ZIC1: variants seen among roughly 807,000 people sequenced by gnomAD.
ZIC1 encodes zinc finger protein ZIC 1.
Under a neutral mutation model 30.9 loss-of-function variants are expected in ZIC1, and 4 were observed. The observed-to-expected ratio is 0.13, with a 90% CI of 0.06 to 0.30. The LOEUF (loss-of-function observed/expected upper bound fraction) is 0.30. ZIC1 is among the 10% of genes least tolerant of loss of function. The pLI is 1.00. For missense variants in ZIC1, 441 were observed against 639.3 expected, an observed-to-expected ratio of 0.69 and a Z score of 3.34; for synonymous variants, 305 against 277.5, an observed-to-expected ratio of 1.10 and a Z score of -0.98.
rs1460462003 is a variant in ZIC1, at chr3:147,409,403, T to C, written c.-710T>C. 6.5e-6 allele frequency: 1 copy of C among 152,702 alleles called. No homozygotes were observed. The highest frequency in any genetic ancestry group is 2.4e-5 in the African/African-American group (1 of 41,458). The allele number at this position is 152,702 out of a possible 1,614,324, so 9.5% of individuals were successfully genotyped here. On this transcript the variant is annotated 5_prime_UTR_variant, in exon 1 of 3. Coordinates refer to ENST00000282928, the MANE Select transcript of ZIC1 (RefSeq NM_003412.4). ...GCAGGAATGATTGCTGCTATCAGTC[T>C]CGCGCTCACCGCCCGGCTGAGGAGG... is the stretch of plus-strand genomic sequence containing the variant.
Position 147,413,401 on chromosome 3 carries a change from C to T in ZIC1, c.1194C>T (p.Ser398=), listed in dbSNP as rs1489617520. The T allele has an allele frequency of 5.0e-6, 8 of 1,614,150 alleles. No individual in the cohort carries two copies. Among genetic ancestry groups the T allele is most frequent in the Non-Finnish European group, 6.8e-6 (8 of 1,180,008 alleles). ...SQGSQPSPAA[S]SGYESSTPPT... is the part of the protein sequence containing the mutation. The stretch of plus-strand genomic sequence containing the variant: ...GCTCGCAGCCTTCGCCGGCCGCCAG[C>T]TCTGGCTACGAATCCTCCACGCCTC... The change falls in exon 3 of 3, where the codon AGC becomes AGT. Residue 398 remains serine, a synonymous_variant. Coordinates refer to ENST00000282928, the MANE Select transcript of ZIC1 (RefSeq NM_003412.4).
Position 147,410,726 on chromosome 3 carries a change from C to T in ZIC1, c.614C>T (p.Ala205Val), listed in dbSNP as rs938132798. ...TACGGGCCCATGAACGTGAACATGG[C>T]CGCGCATCACGGCGCCGGCGCCTTC... is the stretch of plus-strand genomic sequence containing the variant. Reference protein sequence around the residue: ...HGYGPMNVNMAAHHGAGAFFR... With the variant: ...HGYGPMNVNMVAHHGAGAFFR... Residue 205 changes from alanine to valine, a missense_variant, in exon 1 of 3, where the codon GCC becomes GTC. This residue lies in a region of ZIC1 where 307 missense variants were observed against 355.3 expected (regional missense o/e 0.86). Transcript: ENST00000282928. 5 of 1,614,072 alleles carry T rather than the reference C, an allele frequency of 3.1e-6. No individual in the cohort carries two copies. The highest frequency in any genetic ancestry group is 3.4e-6 in the Non-Finnish European group (4 of 1,179,964).
chr3:147,413,767 C>A lies in ZIC1; in HGVS notation c.*216C>A. ...GCTTTCATTATTTTTCTTTTTTTGG[C>A]AAAGGCTTGGTACCCAAGGTGCGGT... On this transcript the variant is annotated 3_prime_UTR_variant, in exon 3 of 3. Coordinates refer to ENST00000282928, the MANE Select transcript of ZIC1 (RefSeq NM_003412.4). 1 of 561,488 alleles carries A rather than the reference C, an allele frequency of 1.8e-6. No individual in the cohort carries two copies. Among genetic ancestry groups the A allele is most frequent in the Admixed American group, 4.2e-5 (1 of 23,882 alleles). 34.8% of individuals were successfully genotyped at this position (561,488 alleles called of 1,614,324 possible). A position where few individuals can be genotyped will look rare whatever the true frequency, so the allele number is the denominator to read the frequency against.
chr3:147,410,088 C>T lies in ZIC1; in HGVS notation c.-25C>T, dbSNP rs2087352441. 1.4e-6 allele frequency: 2 copies of T among 1,456,658 alleles called. No individual in the cohort carries two copies. Among genetic ancestry groups the T allele is most frequent in the Non-Finnish European group, 1.8e-6 (2 of 1,113,492 alleles). 90.2% of individuals were successfully genotyped at this position (1,456,658 alleles called of 1,614,324 possible). ...GCGAGGGTGGGGGGGGCGGGGGAGGCCGGGGCTCGCCCCGAGCAGCCACGA... is the reference window on the plus strand; with the variant it reads ...GCGAGGGTGGGGGGGGCGGGGGAGGTCGGGGCTCGCCCCGAGCAGCCACGA... On this transcript the variant is annotated 5_prime_UTR_variant, in exon 1 of 3. Transcript: ENST00000282928.
chr3:147,415,535 A>G lies in ZIC1; in HGVS notation c.*1984A>G, dbSNP rs1170926983. 1 of 152,632 alleles carries G rather than the reference A, an allele frequency of 6.6e-6. No individual in the cohort carries two copies. The highest frequency in any genetic ancestry group is 1.5e-5 in the Non-Finnish European group (1 of 68,028). 9.5% of individuals were successfully genotyped at this position (152,632 alleles called of 1,614,324 possible). On this transcript the variant is annotated 3_prime_UTR_variant, in exon 3 of 3. Transcript: ENST00000282928. ...GCATGATCGCCCCATTAGGCAGACA[A>G]CGTAGCCGGAGATCACAAATCAGGC...
In ZIC1 at chr3:147,412,622, C is replaced by A. The variant is rs1243038866; in HGVS notation, c.1087C>A (p.Leu363Ile). The A allele has an allele frequency of 9.3e-6, 15 of 1,614,232 alleles. No individual in the cohort carries two copies. The highest frequency in any genetic ancestry group is 1.3e-5 in the Non-Finnish European group (15 of 1,180,036). ...CGTGCACACGAGCGACAAGCCCTATCTTTGCAAGATGTGCGACAAGTCCTA... is the reference window on the plus strand; with the variant it reads ...CGTGCACACGAGCGACAAGCCCTATATTTGCAAGATGTGCGACAAGTCCTA... Reference protein sequence around the residue: ...MHVHTSDKPYLCKMCDKSYTH... With the variant: ...MHVHTSDKPYICKMCDKSYTH... The change falls in exon 2 of 3, where the codon CTT becomes ATT. Residue 363 changes from leucine (L) to isoleucine (I), a missense_variant. Physicochemically the swap from Leu to Ile is conservative, Grantham distance 5. Around this residue, in one of 5 missense-constraint regions of ZIC1, gnomAD observed 31 missense variants for 65.2 expected, o/e 0.48. Coordinates refer to ENST00000282928, the MANE Select transcript of ZIC1 (RefSeq NM_003412.4).
At position 147,410,755 on chromosome 3, in the gene ZIC1, C is replaced by G; in HGVS notation, c.643C>G (p.Arg215Gly). ...GCATCACGGCGCCGGCGCCTTCTTC[C>G]GCTACATGCGCCAACCCATCAAGCA... ...AAHHGAGAFF[R>G]YMRQPIKQEL... is the part of the protein sequence containing the mutation. The change falls in exon 1 of 3, where the codon CGC becomes GGC. Residue 215 changes from arginine to glycine, a missense_variant. Coordinates refer to ENST00000282928, the MANE Select transcript of ZIC1 (RefSeq NM_003412.4). 2 of 1,614,212 alleles carry G rather than the reference C, an allele frequency of 1.2e-6. No homozygotes were observed. The highest frequency in any genetic ancestry group is 1.7e-6 in the Non-Finnish European group (2 of 1,180,020).
chr3:147,409,923 C>T lies in ZIC1; in HGVS notation c.-190C>T. 2 of 617,942 alleles carry T rather than the reference C, an allele frequency of 3.2e-6. No homozygotes were observed. Among genetic ancestry groups the T allele is most frequent in the Non-Finnish European group, 5.2e-6 (2 of 388,128 alleles). The allele number at this position is 617,942 out of a possible 1,614,324, so 38.3% of individuals were successfully genotyped here. A position where few individuals can be genotyped will look rare whatever the true frequency, so the allele number is the denominator to read the frequency against. ...CCGGCTACTTTGCGTTTGGCCCGGCCAGCGCCCGGGCGCGCCGCGCCATTG... is the reference window on the plus strand; with the variant it reads ...CCGGCTACTTTGCGTTTGGCCCGGCTAGCGCCCGGGCGCGCCGCGCCATTG... On this transcript the variant is annotated 5_prime_UTR_variant, in exon 1 of 3. Coordinates refer to ENST00000282928, the MANE Select transcript of ZIC1 (RefSeq NM_003412.4).
At chr3:147,411,453 A>G (rs1189481249) in intron 1 of ZIC1, among the ~76,000 whole-genome samples, 2 of 152,210 alleles carry the variant, frequency 1.3e-5, no homozygotes, top group African/African-American at 4.8e-5. Context: ...CAGGCTGCAG[A>G]CAAATCTAAA....
At chr3:147,412,478 T>A in intron 1 of ZIC1, 40 bp from the exon 2 acceptor site, 2 of 1,597,350 alleles carry the variant, frequency 1.3e-6, no homozygotes, top group South Asian at 2.3e-5. Context: ...CCGCGGTATT[T>A]TTTTCTAATT....
rs753414972 is a variant in ZIC1 at position 147,411,098 on chromosome 3, C to A, written c.982+4C>A. On this transcript the variant is annotated splice_donor_region_variant and intron_variant, in intron 1 of 2. Coordinates refer to ENST00000282928, the MANE Select transcript of ZIC1 (RefSeq NM_003412.4). ...ATCCACAAAAGGACGCACACAGGTA[C>A]GGAAACAGCTGTAGGACCCCTACCC... 6.2e-7 allele frequency: 1 copy of A among 1,609,892 alleles called. No individual in the cohort carries two copies. The highest frequency in any genetic ancestry group is 8.5e-7 in the Non-Finnish European group (1 of 1,177,748).
rs2087423391 is a variant in ZIC1, at chr3:147,415,192, T to A, written c.*1641T>A. The A allele has an allele frequency of 6.6e-6, 1 of 152,662 alleles. No homozygotes were observed. The highest frequency in any genetic ancestry group is 2.4e-5 in the African/African-American group (1 of 41,462). 9.5% of individuals were successfully genotyped at this position (152,662 alleles called of 1,614,324 possible). On this transcript the variant is annotated 3_prime_UTR_variant, in exon 3 of 3. Coordinates refer to ENST00000282928, the MANE Select transcript of ZIC1 (RefSeq NM_003412.4). Reference sequence around the variant, plus strand: ...TATTATTCCTATGATTTTGCCACTGTTATTAGTTCTCTCAAAAATACATCT... The same window carrying A: ...TATTATTCCTATGATTTTGCCACTGATATTAGTTCTCTCAAAAATACATCT...
chr3:147,412,415 C>A, intron 1 of ZIC1, 103 bp from the exon 2 acceptor site: 1 of 1,403,684 alleles, frequency 7.1e-7, no homozygotes, highest in Non-Finnish European at 9.8e-7. Flanking sequence ...TAATCCTGGG[C>A]TGCTGGCTTT....
chr3:147,414,445 C>T lies in ZIC1; in HGVS notation c.*894C>T, dbSNP rs956695029. 6.6e-6 allele frequency: 1 copy of T among 152,536 alleles called. No homozygotes were observed. The highest frequency in any genetic ancestry group is 1.5e-5 in the Non-Finnish European group (1 of 68,020). The allele number at this position is 152,536 out of a possible 1,614,324, so 9.4% of individuals were successfully genotyped here. A position where few individuals can be genotyped will look rare whatever the true frequency, so the allele number is the denominator to read the frequency against. On this transcript the variant is annotated 3_prime_UTR_variant, in exon 3 of 3. Coordinates refer to ENST00000282928, the MANE Select transcript of ZIC1 (RefSeq NM_003412.4). ...TCCATATTTATCCGCATGTAAAGGGCCGGTTTATCCATGTTACAGCTCTTC... is the reference window on the plus strand; with the variant it reads ...TCCATATTTATCCGCATGTAAAGGGTCGGTTTATCCATGTTACAGCTCTTC...
At position 147,410,006 on chromosome 3, in the gene ZIC1, C is replaced by T. The variant is rs892471589; in HGVS notation, c.-107C>T. The T allele has an allele frequency of 1.3e-5, 16 of 1,230,348 alleles. No individual in the cohort carries two copies. Among genetic ancestry groups the T allele is most frequent in the Non-Finnish European group, 1.5e-5 (14 of 925,972 alleles). The allele number at this position is 1,230,348 out of a possible 1,614,324, so 76.2% of individuals were successfully genotyped here. ...CTCCCCCTCCCTCCTCCTCTTCTTC[C>T]TCCTCTTCCTCCTCCTCTTGTTCCT... is the stretch of plus-strand genomic sequence containing the variant. On this transcript the variant is annotated 5_prime_UTR_variant, in exon 1 of 3. Transcript: ENST00000282928.
rs940650977 is a variant in ZIC1, at chr3:147,412,787, A to G, written c.1146+106A>G. On this transcript the variant is annotated intron_variant, in intron 2 of 2. Transcript: ENST00000282928. ...ACAGGCGGTGGCGGGAGCCAGAGGA[A>G]GCGGGAAGGCAAAGGTTCCACTCAG... The G allele has an allele frequency of 3.5e-6, 5 of 1,421,532 alleles. No homozygotes were observed. In the African/African-American group the frequency reaches 7.1e-5, roughly 20 times the overall value. The allele number at this position is 1,421,532 out of a possible 1,614,324, so 88.1% of individuals were successfully genotyped here. A position where few individuals can be genotyped will look rare whatever the true frequency, so the allele number is the denominator to read the frequency against.
In ZIC1 at chr3:147,410,206, G is replaced by T; in HGVS notation, c.94G>T (p.Asp32Tyr). 1.2e-6 allele frequency: 2 copies of T among 1,601,634 alleles called. No individual in the cohort carries two copies. Among genetic ancestry groups the T allele is most frequent in the Non-Finnish European group, 1.7e-6 (2 of 1,179,572 alleles). The change falls in exon 1 of 3, where the codon GAC becomes TAC. Residue 32 changes from aspartate (D) to tyrosine (Y), a missense_variant. Around this residue, in one of 5 missense-constraint regions of ZIC1, gnomAD observed 307 missense variants for 355.3 expected, o/e 0.86. Transcript: ENST00000282928. Reference sequence around the variant, plus strand: ...CTCCGCGGGCGACGTGGCCGAACGAGACGTGGGCCTGGGCATCAACCCGTT... The same window carrying T: ...CTCCGCGGGCGACGTGGCCGAACGATACGTGGGCCTGGGCATCAACCCGTT... ...HHSAGDVAER[D>Y]VGLGINPFAD... is the part of the protein sequence containing the mutation.
At position 147,410,128 on chromosome 3, in the gene ZIC1, G is replaced by A. The variant is rs376604833; in HGVS notation, c.16G>A (p.Gly6Ser). The A allele has an allele frequency of 5.1e-6, 8 of 1,565,812 alleles. No homozygotes were observed. The South Asian group carries it at 7.0e-5, about 14-fold the overall frequency. Reference protein sequence around the residue: MLLDAGPQYPAIGVTT... With the variant: MLLDASPQYPAIGVTT... The stretch of plus-strand genomic sequence containing the variant: ...AGCAGCCACGATGCTCCTGGACGCC[G>A]GCCCCCAGTACCCAGCGATCGGCGT... Residue 6 changes from glycine to serine, a missense_variant, in exon 1 of 3, where the codon GGC (glycine) becomes AGC (serine). This residue lies in a region of ZIC1 where 307 missense variants were observed against 355.3 expected (regional missense o/e 0.86). Transcript: ENST00000282928.
chr3:147,412,814 G>A (rs1050513512), intron 2 of ZIC1, 133 bp downstream of exon 2: 17 of 1,150,628 alleles, frequency 1.5e-5, no homozygotes, highest in Non-Finnish European at 1.8e-5. Flanking sequence ...TCCACTCAGT[G>A]GAACTGGGCA....
Sources: gnomAD v4.1 joint callset for allele counts (sites outside exome capture counted in the v4.1 genomes callset) on GRCh38, gnomAD v4.1.1 for gene constraint, gnomAD v4.1.1 regional missense constraint, MANE v1.5 for transcripts, NCBI Gene and HGNC (gene_info 2026-07-23, HGNC 2026-07-21) for gene names.